Variants in KCNH1 observed in about 807,000 individuals in gnomAD.
KCNH1 encodes potassium voltage-gated channel subfamily H member 1, also known as voltage-gated delayed rectifier potassium channel KCNH1.
Under a neutral mutation model 69.2 loss-of-function variants are expected in KCNH1, and 27 were observed. That is an observed-to-expected ratio of 0.39 (90% CI 0.29 to 0.54). The LOEUF (loss-of-function observed/expected upper bound fraction) is 0.54, where lower values mean the gene tolerates loss of function less well. Ranked by LOEUF, KCNH1 falls within the 20% of genes least tolerant of loss-of-function variation. KCNH1 has a pLI of 0.68. For missense variants in KCNH1, 798 were observed against 1,261.6 expected, an observed-to-expected ratio of 0.63 and a Z score of 5.57; for synonymous variants, 456 against 487.7, an observed-to-expected ratio of 0.93 and a Z score of 0.86.
intron 6 of KCNH1, among the ~76,000 whole-genome samples, chr1:210,982,490 A>G (rs902986992): frequency 3.8e-4 from 58 of 151,740 alleles, no homozygotes; most frequent in African/African-American, 1.3e-3. Flanking sequence ...TCATTATTCA[A>G]TTCCTACCTA....
At chr1:211,119,398 A>G (rs944908589) in intron 1 of KCNH1, among the ~76,000 whole-genome samples, 8 of 152,192 alleles carry the variant, frequency 5.3e-5, no homozygotes, top group African/African-American at 1.7e-4. Flanking sequence ...GTAAAAGTAT[A>G]CTTTCCTTCT....
intron 6 of KCNH1, among the ~76,000 whole-genome samples, chr1:210,924,483 C>T (rs112234007): frequency 6.6e-6 from 1 of 152,134 alleles, no homozygotes; most frequent in Non-Finnish European, 1.5e-5. Context: ...TCTTTGAATG[C>T]ATTAGCAGCT....
At chr1:210,740,418 G>A (rs942411565) in intron 10 of KCNH1, among the ~76,000 whole-genome samples, 1 of 152,042 alleles carries the variant, frequency 6.6e-6, no homozygotes. Context: ...TCCATGATAT[G>A]AGGCTTCTAT....
chr1:210,975,326 T>A (rs879880033), intron 6 of KCNH1, among the ~76,000 whole-genome samples: 2 of 152,190 alleles, frequency 1.3e-5, no homozygotes, highest in Non-Finnish European at 2.9e-5. Flanking sequence ...GCTGGAGGCA[T>A]CACACTACCT....
intron 6 of KCNH1, among the ~76,000 whole-genome samples, chr1:210,982,746 T>C (rs944637982): frequency 1.3e-5 from 2 of 152,316 alleles, no homozygotes; most frequent in Admixed American, 1.3e-4. Flanking sequence ...GCATGTGTCT[T>C]TATAGCAGCA....
At chr1:210,996,010 A>G (rs1330334738) in intron 6 of KCNH1, among the ~76,000 whole-genome samples, 1 of 152,230 alleles carries the variant, frequency 6.6e-6, no homozygotes, top group Non-Finnish European at 1.5e-5. Context: ...GGTGGCAGCC[A>G]AGATGGCCGA....
intron 6 of KCNH1, among the ~76,000 whole-genome samples, chr1:210,929,308 A>G (rs1687636538): frequency 6.6e-6 from 1 of 152,250 alleles, no homozygotes; most frequent in African/African-American, 2.4e-5. Flanking sequence ...ATCCAACAGC[A>G]TATTAAAAAG....
intron 7 of KCNH1, among the ~76,000 whole-genome samples, chr1:210,811,983 G>C (rs1450394221): frequency 2.6e-5 from 4 of 152,154 alleles, no homozygotes; most frequent in Non-Finnish European, 4.4e-5. Context: ...CTCCAAAGTA[G>C]ATTTGGTAGG....
chr1:210,686,514 C>T (rs544695379), intron 10 of KCNH1, among the ~76,000 whole-genome samples: 168 of 152,242 alleles, frequency 1.1e-3, no homozygotes, highest in South Asian at 6.8e-3. Flanking sequence ...TCTGCCTACT[C>T]ACATGCCTTC....
At chr1:210,908,925 T>C (rs79518550) in intron 7 of KCNH1, among the ~76,000 whole-genome samples, 2,681 of 152,308 alleles carry the variant, frequency 0.018, 77 homozygotes, top group African/African-American at 0.061. Flanking sequence ...TTAGATTTTG[T>C]TTTAAAGCCT....
intron 6 of KCNH1, among the ~76,000 whole-genome samples, chr1:210,922,795 T>C (rs1687492336): frequency 6.6e-6 from 1 of 152,202 alleles, no homozygotes; most frequent in Admixed American, 6.5e-5. Flanking sequence ...GAATTAAAAG[T>C]ACCCATAGCC....
chr1:211,086,529 A>G (rs756858083), intron 4 of KCNH1, among the ~76,000 whole-genome samples: 5 of 152,204 alleles, frequency 3.3e-5, no homozygotes, highest in Non-Finnish European at 7.3e-5. Context: ...CAGGAGCAGA[A>G]GAGGAAGAGT....
intron 10 of KCNH1, among the ~76,000 whole-genome samples, chr1:210,742,555 T>A (rs1363317578): frequency 6.6e-6 from 1 of 152,222 alleles, no homozygotes; most frequent in Non-Finnish European, 1.5e-5. Flanking sequence ...TCTTATTGGA[T>A]GGTGCTGAAT....
intron 6 of KCNH1, among the ~76,000 whole-genome samples, chr1:210,998,334 A>T (rs181080996): frequency 8.5e-5 from 13 of 152,348 alleles, no homozygotes; most frequent in Admixed American, 5.2e-4. Context: ...AAGAAAACGG[A>T]GAACAAAAAA....
At chr1:210,915,301 C>T (rs899983485) in intron 7 of KCNH1, among the ~76,000 whole-genome samples, 39 of 152,268 alleles carry the variant, frequency 2.6e-4, no homozygotes, top group African/African-American at 9.1e-4. Flanking sequence ...GCACCAACTA[C>T]GGTGTTAGTC....
intron 7 of KCNH1, among the ~76,000 whole-genome samples, chr1:210,891,894 C>A (rs1031322981): frequency 6.6e-6 from 1 of 152,060 alleles, no homozygotes; most frequent in Non-Finnish European, 1.5e-5. Context: ...AAAAAAGGAT[C>A]AGTTAATGTC....
intron 8 of KCNH1, 100 bp downstream of exon 8, chr1:210,803,867 G>A: frequency 9.6e-7 from 1 of 1,040,652 alleles, no homozygotes; most frequent in Non-Finnish European, 1.4e-6. Flanking sequence ...AGTGAATTCT[G>A]AGCACAGCCA....
At chr1:210,814,395 A>AT (rs1684771914) in intron 7 of KCNH1, among the ~76,000 whole-genome samples, 1 of 152,242 alleles carries the variant, frequency 6.6e-6, no homozygotes, top group Non-Finnish European at 1.5e-5. Context: ...TAACAGCAGG[A>AT]TAATTAAAGA....
intron 6 of KCNH1, among the ~76,000 whole-genome samples, chr1:211,003,005 T>G (rs1412016058): frequency 6.6e-6 from 1 of 152,110 alleles, no homozygotes; most frequent in East Asian, 1.9e-4. Flanking sequence ...GTGGCCTGTT[T>G]CGGTATGACT....
Sources: gnomAD v4.1 joint callset for allele counts (sites outside exome capture counted in the v4.1 genomes callset) on GRCh38, gnomAD v4.1.1 for gene constraint, MANE v1.5 for transcripts, NCBI Gene and HGNC (gene_info 2026-07-23, HGNC 2026-07-21) for gene names.